CLEC17A: variants seen among roughly 807,000 people sequenced by gnomAD.
CLEC17A encodes the protein C-type lectin domain containing 17A.
A neutral mutation model predicts 61.3 loss-of-function variants in CLEC17A; 37 were observed. The ratio of observed to expected loss-of-function variants is 0.60; its 90% CI spans 0.46 to 0.79. CLEC17A has a LOEUF of 0.79. Ranked by LOEUF, CLEC17A falls within the 30% of genes least tolerant of loss-of-function variation. The pLI, the probability that CLEC17A is intolerant of heterozygous loss-of-function variation, is 0.00. For synonymous variants in CLEC17A, 168 were observed against 164.9 expected, an observed-to-expected ratio of 1.02 and a Z score of -0.14; for missense variants, 418 against 464.7, an observed-to-expected ratio of 0.90 and a Z score of 0.92.
chr19:14,581,755 C>T (rs970926004), upstream of CLEC17A, among the ~76,000 whole-genome samples: 16 of 152,214 alleles, frequency 1.1e-4, no homozygotes, highest in African/African-American at 2.4e-4. Flanking sequence ...CGAGTTCAAA[C>T]GATTCTCCTG....
At chr19:14,582,369 C>T (rs1241516039), upstream of CLEC17A, among the ~76,000 whole-genome samples, 4 of 151,964 alleles carry the variant, frequency 2.6e-5, no homozygotes, top group Admixed American at 6.6e-5. Flanking sequence ...CCCGCCACCA[C>T]ACCCAGCTAA....
chr19:14,597,842 A>G (rs11666747), intron 10 of CLEC17A, among the ~76,000 whole-genome samples: 10,512 of 152,120 alleles, frequency 0.069, 417 homozygotes, highest in East Asian at 0.19. Context: ...GGCCTCAGGT[A>G]TTCCTCCTGC....
upstream of CLEC17A, chr19:14,583,055 G>T: frequency 7.8e-7 from 1 of 1,280,936 alleles, no homozygotes; most frequent in Non-Finnish European, 1.1e-6. Context: ...ATTTGACTTT[G>T]AAAGGAAAAG....
At chr19:14,607,407 G>T (rs1232181722) in intron 13 of CLEC17A, among the ~76,000 whole-genome samples, 1 of 151,584 alleles carries the variant, frequency 6.6e-6, no homozygotes, top group Non-Finnish European at 1.5e-5. Context: ...GTTTCACCGT[G>T]TTAGCCAGGA....
chr19:14,592,395 C>G, intron 4 of CLEC17A, 37 bp downstream of exon 4: 1 of 1,610,868 alleles, frequency 6.2e-7, no homozygotes, highest in Non-Finnish European at 8.5e-7. Flanking sequence ...TGGGGGAATA[C>G]AGGGAACAGG....
At chr19:14,607,353 A>C (rs1033649659) in intron 13 of CLEC17A, among the ~76,000 whole-genome samples, 3 of 145,616 alleles carry the variant, frequency 2.1e-5, no homozygotes, top group African/African-American at 7.4e-5. Flanking sequence ...ACAGGTGCCC[A>C]TCACCATGCC....
chr19:14,582,958 T>C, upstream of CLEC17A: 1 of 558,976 alleles, frequency 1.8e-6, no homozygotes, highest in Non-Finnish European at 3.1e-6. Flanking sequence ...AGAAAGGCTC[T>C]GTGTGTATGT....
intron 2 of CLEC17A, among the ~76,000 whole-genome samples, chr19:14,585,233 A>G (rs1270684406): frequency 6.6e-5 from 10 of 152,220 alleles, no homozygotes; most frequent in Non-Finnish European, 1.2e-4. Context: ...GAAGTGGTGC[A>G]ATCATAGCTC....
rs747656450 is a variant in CLEC17A at position 14,591,898 on chromosome 19, A to ATGTGTGTGTGTGTGTGTG, written c.200-363_200-346dup. On this transcript the variant is annotated intron_variant, in intron 3 of 13. Transcript: ENST00000417570. ...GTGTGAATCCAAACTCCGGAGAAAA[A>ATGTGTGTGTGTGTGTGTG]TGTGTGTGTGTGTGTGTGTGTGTGT... 1.6e-3 allele frequency among the ~76,000 whole-genome samples: 221 copies of ATGTGTGTGTGTGTGTGTG among 139,006 alleles called. 1 individual carries two copies. The highest frequency in any genetic ancestry group is 4.5e-3 in the South Asian group (19 of 4,194). The allele number at this position is 139,006 out of a possible 152,430, so 91.2% of individuals were successfully genotyped here.
chr19:14,591,944 G>A (rs2074429710), intron 3 of CLEC17A, among the ~76,000 whole-genome samples: 1 of 151,040 alleles, frequency 6.6e-6, no homozygotes, highest in South Asian at 2.1e-4. Flanking sequence ...GTTTGTGTGA[G>A]GTCCAGGGGC....
rs73504155 is a variant in CLEC17A at position 14,601,561 on chromosome 19, C to T, written c.894+1379C>T. Among the ~76,000 whole-genome samples the T allele has an allele frequency of 5.2e-3, 795 of 152,102 alleles. 7 individuals are homozygous for T. Among genetic ancestry groups the T allele is most frequent in the African/African-American group, 0.018 (729 of 41,486 alleles). On this transcript the variant is annotated intron_variant, in intron 12 of 13. Transcript: ENST00000417570. ...CTAGTGGGATTTAAGCCTAGGTAGC[C>T]GGCTTTCAAGTCCATGGTCTTGACC...
In CLEC17A at chr19:14,599,984, G is replaced by A. The variant is rs372207516; in HGVS notation, c.743-47G>A. 405 of 1,604,660 alleles carry A rather than the reference G, an allele frequency of 2.5e-4. 1 individual carries two copies. In the Middle Eastern group the frequency reaches 3.2e-3, roughly 13 times the overall value. On this transcript the variant is annotated intron_variant, in intron 11 of 13. Transcript: ENST00000417570. ...ACTGTACATGGCATACTATGTACAT[G>A]GCTCAGGTTCTGGGGCCATCCTGAC...
intron 12 of CLEC17A, among the ~76,000 whole-genome samples, chr19:14,606,193 A>G (rs1168859816): frequency 6.6e-6 from 1 of 152,092 alleles, no homozygotes; most frequent in Non-Finnish European, 1.5e-5. Context: ...TACTATTGCT[A>G]AAAATGTCAC....
chr19:14,595,997 G>A (rs141223537), intron 8 of CLEC17A, among the ~76,000 whole-genome samples: 27 of 139,530 alleles, frequency 1.9e-4, no homozygotes, highest in South Asian at 7.5e-4. Flanking sequence ...GATGATGGTG[G>A]TGATGGTGGA....
At chr19:14,589,666 A>G (rs956447257) in intron 3 of CLEC17A, among the ~76,000 whole-genome samples, 1 of 145,274 alleles carries the variant, frequency 6.9e-6, no homozygotes, top group African/African-American at 2.6e-5. Flanking sequence ...TTCTGCAGAG[A>G]TGACTGTGGT....
At chr19:14,598,199 T>C (rs1027895675) in intron 10 of CLEC17A, among the ~76,000 whole-genome samples, 2 of 152,176 alleles carry the variant, frequency 1.3e-5, no homozygotes, top group Non-Finnish European at 2.9e-5. Flanking sequence ...CTCATGTCTG[T>C]AATCCTAGCA....
At chr19:14,591,394 TCTGA>T (rs2074412672) in intron 3 of CLEC17A, among the ~76,000 whole-genome samples, 1 of 151,784 alleles carries the variant, frequency 6.6e-6, no homozygotes, top group African/African-American at 2.4e-5. Flanking sequence ...GACCTTGTGA[TCTGA>T]CTGCCTCAGT....
At chr19:14,598,026 C>T (rs1056118684) in intron 10 of CLEC17A, among the ~76,000 whole-genome samples, 23 of 152,208 alleles carry the variant, frequency 1.5e-4, no homozygotes, top group African/African-American at 5.3e-4. Flanking sequence ...TGGCCTTCAT[C>T]ATGACTGCCA....
intron 3 of CLEC17A, among the ~76,000 whole-genome samples, chr19:14,590,520 C>T (rs534402241): frequency 4.0e-5 from 6 of 151,890 alleles, no homozygotes; most frequent in South Asian, 2.1e-4. Flanking sequence ...TCCCTGGCAG[C>T]GGGATTACAG....
Sources: gnomAD v4.1 joint callset for allele counts (sites outside exome capture counted in the v4.1 genomes callset) on GRCh38, gnomAD v4.1.1 for gene constraint, MANE v1.5 for transcripts, NCBI Gene and HGNC (gene_info 2026-07-23, HGNC 2026-07-21) for gene names.